Variants in SCN3A observed in about 807,000 individuals in gnomAD.
The protein encoded by SCN3A is sodium voltage-gated channel alpha subunit 3, also known as sodium channel protein type 3 subunit alpha.
Under a neutral mutation model 187.6 loss-of-function variants are expected in SCN3A, and 60 were observed. The ratio of observed to expected loss-of-function variants is 0.32; its 90% CI spans 0.26 to 0.40. The LOEUF is 0.40. Among genes scored for constraint, SCN3A ranks in the 10% least tolerant of loss-of-function variants. The pLI, the probability that SCN3A is intolerant of heterozygous loss-of-function variation, is 1.00. For synonymous variants in SCN3A, 788 were observed against 829.2 expected, an observed-to-expected ratio of 0.95 and a Z score of 0.85; for missense variants, 1,601 against 2,428.2, an observed-to-expected ratio of 0.66 and a Z score of 7.16.
At chr2:165,149,067 A>T (rs1688521721) in intron 11 of SCN3A, among the ~76,000 whole-genome samples, 1 of 152,160 alleles carries the variant, frequency 6.6e-6, no homozygotes, top group African/African-American at 2.4e-5. Context: ...CAAACACACA[A>T]CACACAGTGT....
At chr2:165,120,905 C>T (rs1393490713) in intron 18 of SCN3A, among the ~76,000 whole-genome samples, 1 of 150,484 alleles carries the variant, frequency 6.6e-6, no homozygotes, top group Non-Finnish European at 1.5e-5. Flanking sequence ...CCCGGAGCTT[C>T]TTTTATTTTT....
chr2:165,175,902 A>G lies in SCN3A; in HGVS notation c.264+229T>C, dbSNP rs369883328. Reference sequence around the variant, plus strand: ...TGACTATCTGAATTATCACTGTGAAATTGTAGAAATCATTCATCTATTCAT... The same window carrying G: ...TGACTATCTGAATTATCACTGTGAAGTTGTAGAAATCATTCATCTATTCAT... On this transcript the variant is annotated intron_variant, in intron 3 of 27. Coordinates refer to ENST00000283254, the MANE Select transcript of SCN3A (RefSeq NM_006922.4). Among the ~76,000 whole-genome samples, 15 of 152,304 alleles carry G rather than the reference A, an allele frequency of 9.8e-5. No individual in the cohort carries two copies. The South Asian group carries it at 2.9e-3, about 29-fold the overall frequency.
In SCN3A at chr2:165,090,029, T is replaced by G. The variant is rs973226486; in HGVS notation, c.*121A>C. ...TTCACTGTCTTGTATAGGCACTGAC[T>G]ATGAGTATTTGTTAAAACAGTCAGT... On this transcript the variant is annotated 3_prime_UTR_variant, in exon 28 of 28. Coordinates refer to ENST00000283254, the MANE Select transcript of SCN3A (RefSeq NM_006922.4). This position sits in a 1 kb window ranked among gnomAD's most constrained non-coding sequence, Gnocchi z 4.0. 1 of 1,406,148 alleles carries G rather than the reference T, an allele frequency of 7.1e-7. No individual in the cohort carries two copies. Among genetic ancestry groups the G allele is most frequent in the African/African-American group, 1.4e-5 (1 of 69,816 alleles). 87.1% of individuals were successfully genotyped at this position (1,406,148 alleles called of 1,614,324 possible).
chr2:165,091,015 C>G lies in SCN3A; in HGVS notation c.5138G>C (p.Gly1713Ala). ...ACTATTAAGAATAGGTGCTAGCAAT[C>G]CATCCCAGCCAGCAGAGGTTGTAAT... ...FQITTSAGWD[G>A]LLAPILNSAP... Residue 1713 changes from glycine (G) to alanine (A), a missense_variant, in exon 28 of 28, where the codon GGA (glycine) becomes GCA (alanine). This residue lies in a region of SCN3A where 320 missense variants were observed against 623.2 expected (regional missense o/e 0.51). Transcript: ENST00000283254. 6.2e-7 allele frequency: 1 copy of G among 1,614,102 alleles called. No individual in the cohort carries two copies. The highest frequency in any genetic ancestry group is 8.5e-7 in the Non-Finnish European group (1 of 1,180,022).
chr2:165,117,486 A>G (rs1324904025), intron 18 of SCN3A, among the ~76,000 whole-genome samples: 1 of 152,096 alleles, frequency 6.6e-6, no homozygotes, highest in Non-Finnish European at 1.5e-5. Flanking sequence ...ATATTTACAT[A>G]CATCTATATA....
rs762661292 is a variant in SCN3A at position 165,090,984 on chromosome 2, T to A, written c.5169A>T (p.Pro1723=). Residue 1723 remains proline, a synonymous_variant, in exon 28 of 28, where the codon CCA becomes CCT. Coordinates refer to ENST00000283254, the MANE Select transcript of SCN3A (RefSeq NM_006922.4). This position sits in a 1 kb window ranked among gnomAD's most constrained non-coding sequence, Gnocchi z 4.0. ...GAATTGTGTCAGGGTCACAGTCGGG[T>A]GGTGCACTATTAAGAATAGGTGCTA... ...GLLAPILNSA[P]PDCDPDTIHP... is the part of the protein sequence containing the mutation. 2.5e-6 allele frequency: 4 copies of A among 1,613,926 alleles called. No individual in the cohort carries two copies. In the African/African-American group the frequency reaches 4.0e-5, roughly 16 times the overall value.
intron 12 of SCN3A, 99 bp downstream of exon 12, chr2:165,146,640 C>T: frequency 1.6e-6 from 2 of 1,282,698 alleles, no homozygotes; most frequent in Non-Finnish European, 2.2e-6. Context: ...CTGTCCCTCA[C>T]TGAAGTCAGA....
At chr2:165,153,783 T>C (rs1307567259) in intron 11 of SCN3A, among the ~76,000 whole-genome samples, 1 of 152,082 alleles carries the variant, frequency 6.6e-6, no homozygotes, top group African/African-American at 2.4e-5. Flanking sequence ...TTTTACTATA[T>C]ATTCGTGAGT....
rs768733111 is a variant in SCN3A, at chr2:165,127,903, C to T, written c.3121G>A (p.Glu1041Lys). ...ATGCAGCTGTCTATCTTATTGCCTTCATGGATTTCTATAACTTTTGGCTTT... is the reference window on the plus strand; with the variant it reads ...ATGCAGCTGTCTATCTTATTGCCTTTATGGATTTCTATAACTTTTGGCTTT... ...FRKPKVIEIHEGNKIDSCMSN... is the reference protein window; with the variant it reads ...FRKPKVIEIHKGNKIDSCMSN... Residue 1041 changes from glutamate (E) to lysine (K), a missense_variant, in exon 18 of 28, where the codon GAA becomes AAA. Glu to Lys is a moderately conservative substitution (Grantham distance 56, BLOSUM62 1). Coordinates refer to ENST00000283254, the MANE Select transcript of SCN3A (RefSeq NM_006922.4). 2 of 1,614,112 alleles carry T rather than the reference C, an allele frequency of 1.2e-6. No homozygotes were observed. The highest frequency in any genetic ancestry group is 2.2e-5 in the South Asian group (2 of 91,084).
chr2:165,196,343 C>T (rs1485940833), intron 1 of SCN3A, among the ~76,000 whole-genome samples: 1 of 152,062 alleles, frequency 6.6e-6, no homozygotes, highest in Admixed American at 6.6e-5. Flanking sequence ...AGCGACCTGC[C>T]TCAAAATGTG....
At position 165,184,493 on chromosome 2, in the gene SCN3A, A is replaced by G. The variant is rs570162269; in HGVS notation, c.-51+2058T>C. ...AACCTGTCTAGTTCAGAAAAAAAAAAAAAAAAGAAAAAAAAAAAAAAGCCT... is the reference window on the plus strand; with the variant it reads ...AACCTGTCTAGTTCAGAAAAAAAAAGAAAAAAGAAAAAAAAAAAAAAGCCT... On this transcript the variant is annotated intron_variant, in intron 2 of 27. Coordinates refer to ENST00000283254, the MANE Select transcript of SCN3A (RefSeq NM_006922.4). Among the ~76,000 whole-genome samples, 757 of 138,944 alleles carry G rather than the reference A, an allele frequency of 5.4e-3. 5 individuals are homozygous for G. The highest frequency in any genetic ancestry group is 0.02 in the African/African-American group (718 of 35,456). The allele number at this position is 138,944 out of a possible 152,430, so 91.2% of individuals were successfully genotyped here. A position where few individuals can be genotyped will look rare whatever the true frequency, so the allele number is the denominator to read the frequency against.
intron 2 of SCN3A, among the ~76,000 whole-genome samples, chr2:165,179,028 A>G (rs953219877): frequency 7.9e-5 from 12 of 152,180 alleles, no homozygotes; most frequent in Admixed American, 1.3e-4. Flanking sequence ...ATCACCTGCC[A>G]TGAACTGAAT....
chr2:165,155,913 A>G lies in SCN3A; in HGVS notation c.1032-10T>C. On this transcript the variant is annotated splice_polypyrimidine_tract_variant and intron_variant, in intron 9 of 27. Coordinates refer to ENST00000283254, the MANE Select transcript of SCN3A (RefSeq NM_006922.4). ...TCCTTCTGGACACTGGCTATAAGAG[A>G]GAGAAATGGAGGTAGGGTCAGTTTA... 2 of 1,614,014 alleles carry G rather than the reference A, an allele frequency of 1.2e-6. No homozygotes were observed. Among genetic ancestry groups the G allele is most frequent in the Non-Finnish European group, 1.7e-6 (2 of 1,179,956 alleles).
At chr2:165,104,838 C>T (rs1449365477) in intron 21 of SCN3A, among the ~76,000 whole-genome samples, 3 of 152,124 alleles carry the variant, frequency 2.0e-5, no homozygotes, top group Admixed American at 1.3e-4. Context: ...TTTACTATAT[C>T]TGTTTGAACA....
intron 1 of SCN3A, among the ~76,000 whole-genome samples, chr2:165,200,516 G>A (rs986891218): frequency 2.0e-5 from 3 of 152,014 alleles, no homozygotes; most frequent in Non-Finnish European, 4.4e-5. Flanking sequence ...ACTCGTAAGA[G>A]CTGGGAGTGA....
At chr2:165,161,525 C>G (rs181170425) in intron 9 of SCN3A, among the ~76,000 whole-genome samples, 1 of 152,236 alleles carries the variant, frequency 6.6e-6, no homozygotes, top group East Asian at 1.9e-4. Context: ...TTTTCATTAA[C>G]TCTCTTAGAT....
At chr2:165,145,927 A>ATATTCATATTACATAT (rs1688290622) in intron 12 of SCN3A, among the ~76,000 whole-genome samples, 1 of 152,170 alleles carries the variant, frequency 6.6e-6, no homozygotes, top group Non-Finnish European at 1.5e-5. Flanking sequence ...TATTCTTTAC[A>ATATTCATATTACATAT]TCAGACATAT....
intron 21 of SCN3A, among the ~76,000 whole-genome samples, chr2:165,102,582 T>A (rs1254590060): frequency 6.6e-6 from 1 of 151,830 alleles, no homozygotes; most frequent in South Asian, 2.1e-4. Flanking sequence ...AGATAGGAAG[T>A]CATGAGTTTA....
chr2:165,188,503 T>A (rs1691378389), intron 1 of SCN3A, among the ~76,000 whole-genome samples: 1 of 152,130 alleles, frequency 6.6e-6, no homozygotes, highest in South Asian at 2.1e-4. Flanking sequence ...AAGAATCACC[T>A]GTGCAGCAGG....
Sources: allele counts gnomAD v4.1 joint callset (sites outside exome capture counted in the v4.1 genomes callset), GRCh38; gene constraint gnomAD v4.1.1; regional missense constraint gnomAD v4.1.1; non-coding constraint Gnocchi (gnomAD v3.1); transcripts MANE v1.5; gene names NCBI Gene and HGNC (gene_info 2026-07-23, HGNC 2026-07-21).